Variants in ELAVL4 observed in about 807,000 individuals in gnomAD.
ELAVL4 encodes ELAV like RNA binding protein 4.
ELAVL4 carries 1 observed loss-of-function variant against 35.6 expected under a neutral mutation model. That is an observed-to-expected ratio of 0.03 (90% confidence interval 0.01 to 0.13). The LOEUF is 0.13. Among genes scored for constraint, ELAVL4 ranks in the 10% least tolerant of loss-of-function variants. The probability of loss-of-function intolerance (pLI) is 1.00; values close to 1 mark genes in which losing one functional copy is unlikely to be tolerated. For missense variants in ELAVL4, 267 were observed against 464.9 expected (o/e 0.57, Z 3.91); for synonymous variants, 156 against 171.0 (o/e 0.91, Z 0.69).
At chr1:50,133,553 T>A in intron 1 of ELAVL4, among the ~76,000 whole-genome samples, 1 of 142,446 alleles carries the variant, frequency 7.0e-6, no homozygotes, top group Non-Finnish European at 1.5e-5. Flanking sequence ...CTAACATTTA[T>A]CTCTTATAAA....
intron 1 of ELAVL4, among the ~76,000 whole-genome samples, chr1:50,111,729 T>C (rs1667105892): frequency 6.6e-6 from 1 of 152,268 alleles, no homozygotes; most frequent in Non-Finnish European, 1.5e-5. Context: ...AGCTGATTTT[T>C]ATATTAGTGT....
chr1:50,152,234 C>T (rs1306573254), intron 2 of ELAVL4, among the ~76,000 whole-genome samples: 2 of 152,200 alleles, frequency 1.3e-5, no homozygotes, highest in East Asian at 1.9e-4. Context: ...GCCCTGCTTC[C>T]GAACTCAGAT....
At chr1:50,151,595 T>C (rs890715476) in intron 2 of ELAVL4, among the ~76,000 whole-genome samples, 2 of 152,202 alleles carry the variant, frequency 1.3e-5, no homozygotes, top group Non-Finnish European at 2.9e-5. Flanking sequence ...TGAACTTTTC[T>C]ACATGCACAT....
At chr1:50,136,337 A>C (rs1244176227) in intron 1 of ELAVL4, among the ~76,000 whole-genome samples, 1 of 152,180 alleles carries the variant, frequency 6.6e-6, no homozygotes, top group African/African-American at 2.4e-5. Flanking sequence ...CATCCACCAG[A>C]GTCTAACATA....
At chr1:50,072,086 A>C (rs1664555467) in intron 1 of ELAVL4, among the ~76,000 whole-genome samples, 2 of 152,178 alleles carry the variant, frequency 1.3e-5, no homozygotes, top group African/African-American at 4.8e-5. Flanking sequence ...TTTAAGCAAA[A>C]TTTCGAATTG....
intron 1 of ELAVL4, among the ~76,000 whole-genome samples, chr1:50,068,567 C>T (rs1426215791): frequency 6.6e-6 from 1 of 152,170 alleles, no homozygotes; most frequent in African/African-American, 2.4e-5. Context: ...AAATCCTTGT[C>T]ATCTGCCTCA....
chr1:50,132,525 G>T (rs1176258497), intron 1 of ELAVL4, among the ~76,000 whole-genome samples: 2 of 152,158 alleles, frequency 1.3e-5, no homozygotes, highest in African/African-American at 2.4e-5. Context: ...CCTCATGAAG[G>T]TTGCTGCCGG....
chr1:50,132,206 G>A (rs1023166193), intron 1 of ELAVL4, among the ~76,000 whole-genome samples: 21 of 152,160 alleles, frequency 1.4e-4, no homozygotes, highest in East Asian at 5.8e-4. Context: ...CTTAAAAAGC[G>A]TGGTATGGAA....
chr1:50,150,722 A>G (rs1265699191), intron 2 of ELAVL4, among the ~76,000 whole-genome samples: 1 of 152,204 alleles, frequency 6.6e-6, no homozygotes, highest in Non-Finnish European at 1.5e-5. Context: ...TACTTCTGAG[A>G]TAACTATATA....
At chr1:50,125,204 A>G (rs1325224947) in intron 1 of ELAVL4, among the ~76,000 whole-genome samples, 1 of 151,886 alleles carries the variant, frequency 6.6e-6, no homozygotes, top group Non-Finnish European at 1.5e-5. Flanking sequence ...ACACCACTGC[A>G]CTCCAGCTTA....
At chr1:50,133,647 G>GAA (rs1671375649) in intron 1 of ELAVL4, among the ~76,000 whole-genome samples, 1 of 148,360 alleles carries the variant, frequency 6.7e-6, no homozygotes, top group South Asian at 2.1e-4. Context: ...AAGAAAGAAA[G>GAA]AAAGAGAAAG....
chr1:50,199,915 T>C (rs1644300590), intron 6 of ELAVL4, among the ~76,000 whole-genome samples: 1 of 152,136 alleles, frequency 6.6e-6, no homozygotes, highest in Non-Finnish European at 1.5e-5. Context: ...CTTTTCAGGA[T>C]TGCACAAAAA....
intron 1 of ELAVL4, among the ~76,000 whole-genome samples, chr1:50,074,431 T>G (rs1572132736): frequency 6.6e-6 from 1 of 152,328 alleles, no homozygotes; most frequent in Non-Finnish European, 1.5e-5. Flanking sequence ...GAGCACCTTC[T>G]ATATGCCAGG....
chr1:50,119,777 T>A (rs1668711036), intron 1 of ELAVL4, among the ~76,000 whole-genome samples: 1 of 151,930 alleles, frequency 6.6e-6, no homozygotes, highest in African/African-American at 2.4e-5. Flanking sequence ...TTGTAACAGA[T>A]CTGTGACCAT....
intron 2 of ELAVL4, among the ~76,000 whole-genome samples, chr1:50,157,330 G>T (rs929616535): frequency 6.6e-6 from 1 of 152,142 alleles, no homozygotes; most frequent in Non-Finnish European, 1.5e-5. Flanking sequence ...CAGATGATTT[G>T]CTAATGTGCT....
chr1:50,177,141 G>C lies in ELAVL4; in HGVS notation c.303G>C (p.Glu101Asp). 3 of 1,614,006 alleles carry C rather than the reference G, an allele frequency of 1.9e-6. No homozygotes were observed. Among genetic ancestry groups the C allele is most frequent in the Non-Finnish European group, 2.5e-6 (3 of 1,179,960 alleles). ...ACTATATTGATCCAAAGGATGCAGAGAAAGCCATCAACACTTTAAATGGAC... is the reference window on the plus strand; with the variant it reads ...ACTATATTGATCCAAAGGATGCAGACAAAGCCATCAACACTTTAAATGGAC... ...FVNYIDPKDA[E>D]KAINTLNGLR... The change falls in exon 3 of 7, where the codon GAG becomes GAC. Residue 101 changes from glutamate (E) to aspartate (D), a missense_variant. Glu to Asp is a conservative substitution (Grantham distance 45). Coordinates refer to ENST00000371824, the MANE Select transcript of ELAVL4 (RefSeq NM_001144774.3).
chr1:50,197,524 A>ATT, intron 6 of ELAVL4, 57 bp downstream of exon 6: 125 of 1,175,856 alleles, frequency 1.1e-4, no homozygotes, highest in South Asian at 4.3e-4. Context: ...TGGGGCTAGA[A>ATT]TTTTTTTTTT....
At chr1:50,052,850 A>G (rs180941126) in intron 1 of ELAVL4, among the ~76,000 whole-genome samples, 1 of 152,338 alleles carries the variant, frequency 6.6e-6, no homozygotes, top group Admixed American at 6.5e-5. Context: ...AAAAACTGCT[A>G]AACTTATGTT....
chr1:50,172,162 T>G (rs1014731340), intron 2 of ELAVL4, among the ~76,000 whole-genome samples: 9 of 152,148 alleles, frequency 5.9e-5, no homozygotes, highest in Admixed American at 3.9e-4. Context: ...GCTTCTCTAC[T>G]GCAGCCATCA....
Sources: allele counts gnomAD v4.1 joint callset (sites outside exome capture counted in the v4.1 genomes callset), GRCh38; gene constraint gnomAD v4.1.1; transcripts MANE v1.5; gene names NCBI Gene and HGNC (gene_info 2026-07-23, HGNC 2026-07-21).